Variants in OR56B2 observed in about 807,000 individuals in gnomAD.
The protein encoded by OR56B2 is olfactory receptor 56B2.
At chr11:5,768,173 A>G in the OR56B2 span, among the ~76,000 whole-genome samples, 1 of 138,152 alleles carries the variant, frequency 7.2e-6, no homozygotes, top group South Asian at 2.4e-4. Context: ...CCACCAGCAT[A>G]GTGTATATTG....
chr11:5,762,986 TTA>T, the OR56B2 span, among the ~76,000 whole-genome samples: 7 of 152,060 alleles, frequency 4.6e-5, no homozygotes, highest in South Asian at 4.1e-4. Context: ...ATTACTAATT[TTA>T]TATATGACAT....
the OR56B2 span, chr11:5,766,070 G>T: frequency 0.077 from 10,765 of 140,056 alleles, 2,161 homozygotes; most frequent in African/African-American, 0.1. Context: ...ATATGGAAAA[G>T]ATATTCATTT....
the OR56B2 span, among the ~76,000 whole-genome samples, chr11:5,763,308 T>C: frequency 6.0e-5 from 4 of 66,786 alleles, no homozygotes; most frequent in Non-Finnish European, 1.6e-4. Flanking sequence ...CATTACATTA[T>C]ATTTATTTAT....
chr11:5,762,052 G>A, the OR56B2 span, among the ~76,000 whole-genome samples: 1 of 152,046 alleles, frequency 6.6e-6, no homozygotes, highest in African/African-American at 2.4e-5. Flanking sequence ...TAATATTAAT[G>A]TTTAGCAATC....
the OR56B2 span, among the ~76,000 whole-genome samples, chr11:5,761,992 G>A: frequency 4.6e-5 from 7 of 151,922 alleles, no homozygotes; most frequent in African/African-American, 2.4e-5. Flanking sequence ...TCTTTCAATT[G>A]GAAATACTAG....
chr11:5,761,408 G>A, the OR56B2 span, among the ~76,000 whole-genome samples: 8 of 151,986 alleles, frequency 5.3e-5, no homozygotes, highest in African/African-American at 1.7e-4. Flanking sequence ...TCTGAATATT[G>A]GAAAACTTTA....
the OR56B2 span, among the ~76,000 whole-genome samples, chr11:5,764,136 G>A: frequency 1.4e-5 from 2 of 140,896 alleles, 1 homozygote; most frequent in East Asian, 4.1e-4. Context: ...AAATAGTGCA[G>A]AGTAGCACAA....
chr11:5,766,037 T>TA, the OR56B2 span: 1 of 140,492 alleles, frequency 7.1e-6, no homozygotes, highest in African/African-American at 2.6e-5. Context: ...ACAAGGTACT[T>TA]AGACTGGAGT....
At chr11:5,762,580 T>C in the OR56B2 span, among the ~76,000 whole-genome samples, 2 of 152,190 alleles carry the variant, frequency 1.3e-5, no homozygotes, top group East Asian at 1.9e-4. Flanking sequence ...TACAGTTATA[T>C]AGAATGAATA....
At chr11:5,765,996 C>T in the OR56B2 span, 9 of 140,552 alleles carry the variant, frequency 6.4e-5, no homozygotes, top group Admixed American at 6.6e-4. Context: ...GGTATATGCA[C>T]TCAAGAACAA....
At chr11:5,761,879 G>A in the OR56B2 span, among the ~76,000 whole-genome samples, 1 of 152,006 alleles carries the variant, frequency 6.6e-6, no homozygotes, top group African/African-American at 2.4e-5. Context: ...AATCCTAGAG[G>A]CTAAGACTTT....
chr11:5,768,629 A>G, the OR56B2 span, among the ~76,000 whole-genome samples: 2 of 139,824 alleles, frequency 1.4e-5, no homozygotes, highest in Non-Finnish European at 3.2e-5. Flanking sequence ...AGTTTCTTGA[A>G]TATTTCCGTA....
At chr11:5,766,314 C>A in the OR56B2 span, 1 of 140,334 alleles carries the variant, frequency 7.1e-6, no homozygotes, top group Non-Finnish European at 1.6e-5. Flanking sequence ...ATCTACATTT[C>A]ATGTTCTTAC....
At chr11:5,767,159 A>T in the OR56B2 span, 1 of 139,832 alleles carries the variant, frequency 7.2e-6, no homozygotes, top group African/African-American at 2.6e-5. Flanking sequence ...GGGAAAACAG[A>T]CATGTGCAAA....
chr11:5,762,660 C>G, the OR56B2 span, among the ~76,000 whole-genome samples: 2 of 151,892 alleles, frequency 1.3e-5, no homozygotes, highest in Non-Finnish European at 2.9e-5. Context: ...TTCAAAATAG[C>G]TGGAAGAGAA....
chr11:5,763,345 C>CATAGGTGAGGACTA, the OR56B2 span, among the ~76,000 whole-genome samples: 9 of 144,152 alleles, frequency 6.2e-5, no homozygotes, highest in South Asian at 2.2e-4. Context: ...CGGAGTTTCA[C>CATAGGTGAGGACTA]TCTTGTTGCC....
At chr11:5,766,682 C>T in the OR56B2 span, 2 of 138,814 alleles carry the variant, frequency 1.4e-5, 1 homozygote, top group African/African-American at 5.3e-5. Context: ...ACCCCTTTAC[C>T]CCCATATTAT....
chr11:5,764,504 A>G, the OR56B2 span, among the ~76,000 whole-genome samples: 2 of 141,460 alleles, frequency 1.4e-5, 1 homozygote, highest in Non-Finnish European at 3.1e-5. Context: ...ACACGTTATT[A>G]GAATGCTTAC....
the OR56B2 span, chr11:5,765,780 A>AT: frequency 2.1e-5 from 3 of 140,316 alleles, no homozygotes; most frequent in Admixed American, 7.4e-5. Context: ...ATATGCTCTA[A>AT]TACTTTACTC....
Sources: gnomAD v4.1 joint callset for allele counts (sites outside exome capture counted in the v4.1 genomes callset) on GRCh38, gnomAD v4.1.1 for gene constraint, MANE v1.5 for transcripts, NCBI Gene and HGNC (gene_info 2026-07-23, HGNC 2026-07-21) for gene names.